The following SP4 variants were observed in gnomAD, a reference collection of about 807,000 sequenced individuals.
The protein encoded by SP4 is transcription factor Sp4.
A neutral mutation model predicts 72.8 loss-of-function variants in SP4; 19 were observed. The ratio of observed to expected loss-of-function variants is 0.26; its 90% CI spans 0.18 to 0.38. The LOEUF is 0.38. Ranked by LOEUF, SP4 falls within the 10% of genes least tolerant of loss-of-function variation. The probability of loss-of-function intolerance (pLI) is 1.00; values close to 1 mark genes in which losing one functional copy is unlikely to be tolerated. For missense variants in SP4, 1,008 were observed against 926.3 expected (o/e 1.09, Z -1.14); for synonymous variants, 395 against 333.1 (o/e 1.19, Z -2.02).
rs919294527 is a variant in SP4 at position 21,435,071 on chromosome 7, A to G, written c.1678+4228A>G. The stretch of plus-strand genomic sequence containing the variant: ...CTTTAGAGCTATGTAGGAACAATTG[A>G]TAGCTAAATCTGTAATTAACTTGGA... On this transcript the variant is annotated intron_variant, in intron 3 of 5. Coordinates refer to ENST00000222584, the MANE Select transcript of SP4 (RefSeq NM_003112.5). 2.0e-5 allele frequency among the ~76,000 whole-genome samples: 3 copies of G among 152,380 alleles called. No homozygotes were observed. In the South Asian group the frequency reaches 6.2e-4, roughly 32 times the overall value.
At chr7:21,464,940 A>G (rs1314741161) in intron 3 of SP4, among the ~76,000 whole-genome samples, 1 of 152,116 alleles carries the variant, frequency 6.6e-6, no homozygotes, top group Non-Finnish European at 1.5e-5. Context: ...TTTTTGATTT[A>G]TTTTTCACCA....
chr7:21,508,489 G>C (rs2128417555), intron 5 of SP4, among the ~76,000 whole-genome samples: 1 of 152,238 alleles, frequency 6.6e-6, no homozygotes, highest in East Asian at 1.9e-4. Flanking sequence ...ACCACGCCCA[G>C]CTACTTTTTT....
At chr7:21,483,979 A>G (rs1008795164) in intron 5 of SP4, among the ~76,000 whole-genome samples, 3 of 151,910 alleles carry the variant, frequency 2.0e-5, no homozygotes, top group Admixed American at 6.6e-5. Context: ...ATCAGCTGCT[A>G]TATTATAGTC....
At chr7:21,498,217 T>A (rs752483087) in intron 5 of SP4, among the ~76,000 whole-genome samples, 1 of 152,146 alleles carries the variant, frequency 6.6e-6, no homozygotes, top group African/African-American at 2.4e-5. Context: ...AAATTAAAAA[T>A]AATATAACAA....
At chr7:21,459,142 T>C (rs1783873331) in intron 3 of SP4, among the ~76,000 whole-genome samples, 1 of 152,200 alleles carries the variant, frequency 6.6e-6, no homozygotes, top group Non-Finnish European at 1.5e-5. Context: ...TTGTTTTGAG[T>C]GAGAGTCTCA....
At chr7:21,494,008 A>C (rs1175135760) in intron 5 of SP4, among the ~76,000 whole-genome samples, 1 of 152,224 alleles carries the variant, frequency 6.6e-6, no homozygotes, top group Non-Finnish European at 1.5e-5. Flanking sequence ...TGAAAAAGTC[A>C]ATGTAATTCA....
At chr7:21,470,751 A>G (rs1420923713) in intron 3 of SP4, among the ~76,000 whole-genome samples, 214 of 124,790 alleles carry the variant, frequency 1.7e-3, no homozygotes, top group Non-Finnish European at 3.1e-3. Flanking sequence ...TATATTTGGA[A>G]AAAAAAAAAA....
chr7:21,475,356 C>T (rs1784468449), intron 3 of SP4, among the ~76,000 whole-genome samples: 1 of 151,318 alleles, frequency 6.6e-6, no homozygotes, highest in Non-Finnish European at 1.5e-5. Flanking sequence ...CCTCGTGTTC[C>T]ACCTGCCTCA....
chr7:21,478,212 GACA>G (rs140971479), intron 4 of SP4, among the ~76,000 whole-genome samples: 2,050 of 152,186 alleles, frequency 0.013, 46 homozygotes, highest in East Asian at 0.079. Context: ...CCTTTTTAGG[GACA>G]AATAATATTC....
chr7:21,468,734 T>C (rs1784242938), intron 3 of SP4, among the ~76,000 whole-genome samples: 2 of 152,136 alleles, frequency 1.3e-5, no homozygotes, highest in African/African-American at 2.4e-5. Flanking sequence ...CTTATATAGA[T>C]CTGTTATTTC....
intron 4 of SP4, among the ~76,000 whole-genome samples, chr7:21,479,670 A>G (rs993656189): frequency 6.6e-6 from 1 of 152,246 alleles, no homozygotes. Context: ...TAAAGAAACC[A>G]GATGGTATTC....
At chr7:21,429,199 A>G in intron 2 of SP4, 90 bp from the exon 3 acceptor site, 2 of 681,714 alleles carry the variant, frequency 2.9e-6, no homozygotes, top group Middle Eastern at 3.0e-4. Flanking sequence ...AGCTGTCAAA[A>G]TAAGTAACCC....
chr7:21,428,772 C>A lies in SP4; in HGVS notation c.103C>A (p.Pro35Thr), dbSNP rs1205199203. ...TSEPENNNKK[P>T]KTSGSQDSQP... ...TGAGCCAGAGAATAACAATAAAAAACCCAAAACCTCAGGCTCCCAGGTAAA... is the reference window on the plus strand; with the variant it reads ...TGAGCCAGAGAATAACAATAAAAAAACCAAAACCTCAGGCTCCCAGGTAAA... Residue 35 changes from proline to threonine, a missense_variant, in exon 2 of 6, where the codon CCC (proline) becomes ACC (threonine). Transcript: ENST00000222584. 3.9e-6 allele frequency: 6 copies of A among 1,550,732 alleles called. No individual in the cohort carries two copies. In the East Asian group the frequency reaches 1.5e-4, roughly 38 times the overall value.
At chr7:21,432,508 G>A (rs1363828592) in intron 3 of SP4, among the ~76,000 whole-genome samples, 1 of 152,178 alleles carries the variant, frequency 6.6e-6, no homozygotes, top group Non-Finnish European at 1.5e-5. Context: ...CTCTCTAGTT[G>A]ATAACTTTTG....
chr7:21,441,910 G>C (rs1438261746), intron 3 of SP4, among the ~76,000 whole-genome samples: 3 of 151,906 alleles, frequency 2.0e-5, no homozygotes, highest in African/African-American at 7.3e-5. Flanking sequence ...GCCCTCATAG[G>C]ATATATTATC....
chr7:21,494,309 A>T (rs911200429), intron 5 of SP4, among the ~76,000 whole-genome samples: 1 of 152,232 alleles, frequency 6.6e-6, no homozygotes, highest in Non-Finnish European at 1.5e-5. Context: ...AAAATGTCAT[A>T]AAAGACATAC....
In SP4 at chr7:21,484,321, A is replaced by G. The variant is rs148188285; in HGVS notation, c.2107+2198A>G. Among the ~76,000 whole-genome samples the G allele has an allele frequency of 6.4e-4, 97 of 152,002 alleles. 1 individual carries two copies. The East Asian group carries it at 0.017, about 26-fold the overall frequency. On this transcript the variant is annotated intron_variant, in intron 5 of 5. Transcript: ENST00000222584. ...ACATAAAGACTGAAGGTAATCTTAT[A>G]CAATATTTTTAATAATTTTATGTGT...
intron 5 of SP4, among the ~76,000 whole-genome samples, chr7:21,496,181 G>T (rs747449443): frequency 6.6e-6 from 1 of 152,046 alleles, no homozygotes; most frequent in African/African-American, 2.4e-5. Flanking sequence ...TTTTGGTGGC[G>T]ATTATGTGAC....
intron 5 of SP4, among the ~76,000 whole-genome samples, chr7:21,485,177 A>AT (rs1784779332): frequency 6.6e-6 from 1 of 151,956 alleles, no homozygotes; most frequent in Non-Finnish European, 1.5e-5. Flanking sequence ...TTGATTAAGC[A>AT]TTTAATATGT....
Sources: allele counts gnomAD v4.1 joint callset (sites outside exome capture counted in the v4.1 genomes callset), GRCh38; gene constraint gnomAD v4.1.1; transcripts MANE v1.5; gene names NCBI Gene and HGNC (gene_info 2026-07-23, HGNC 2026-07-21).